The following CALCR variants were observed in gnomAD, a reference collection of about 807,000 sequenced individuals.
CALCR encodes the protein calcitonin receptor.
Under a neutral mutation model 59.5 loss-of-function variants are expected in CALCR, and 47 were observed. That is an observed-to-expected ratio of 0.79 (90% CI 0.63 to 1.01). The LOEUF is 1.01. CALCR is among the 50% of genes least tolerant of loss of function. The probability of loss-of-function intolerance (pLI) is 0.00; values close to 1 mark genes in which losing one functional copy is unlikely to be tolerated. For synonymous variants in CALCR, 213 were observed against 211.3 expected (o/e 1.01, Z -0.07); for missense variants, 566 against 597.1 (o/e 0.95, Z 0.54).
chr7:93,554,769 G>GTATATATATA (rs55879216), intron 2 of CALCR, among the ~76,000 whole-genome samples: 2,337 of 117,152 alleles, frequency 0.02, 307 homozygotes, highest in African/African-American at 0.096. Flanking sequence ...GCCAGGCCAT[G>GTATATATATA]TATATATATA....
chr7:93,518,566 C>A (rs1174524995), intron 2 of CALCR, among the ~76,000 whole-genome samples: 1 of 151,734 alleles, frequency 6.6e-6, no homozygotes, highest in Admixed American at 6.6e-5. Flanking sequence ...TTGGTGGGAG[C>A]ATAGGGATAC....
intron 8 of CALCR, among the ~76,000 whole-genome samples, chr7:93,445,223 C>T (rs996504962): frequency 1.3e-5 from 2 of 152,092 alleles, no homozygotes; most frequent in African/African-American, 4.8e-5. Context: ...TGATTACCTT[C>T]CTAACTGGGA....
At position 93,488,564 on chromosome 7, in the gene CALCR, T is replaced by A. The variant is rs183481966; in HGVS notation, c.-26-1557A>T. Among the ~76,000 whole-genome samples the A allele has an allele frequency of 3.2e-3, 243 of 76,404 alleles. 4 individuals carry two copies. Among genetic ancestry groups the A allele is most frequent in the African/African-American group, 0.011 (228 of 20,416 alleles). 50.1% of individuals were successfully genotyped at this position (76,404 alleles called of 152,430 possible). A position where few individuals can be genotyped will look rare whatever the true frequency, so the allele number is the denominator to read the frequency against. Reference sequence around the variant, plus strand: ...TCAAAACAAAGGGATGGAGGAAAATTTACCAAGCAAATGGAAAGAAAAAAA... The same window carrying A: ...TCAAAACAAAGGGATGGAGGAAAATATACCAAGCAAATGGAAAGAAAAAAA... On this transcript the variant is annotated intron_variant, in intron 2 of 13. Coordinates refer to ENST00000426151, the MANE Select transcript of CALCR (RefSeq NM_001742.4).
At chr7:93,560,073 A>T (rs2116262359) in intron 2 of CALCR, among the ~76,000 whole-genome samples, 1 of 152,248 alleles carries the variant, frequency 6.6e-6, no homozygotes, top group Middle Eastern at 3.4e-3. Context: ...GACCCTAATG[A>T]GTATGTTACA....
Position 93,426,139 on chromosome 7 carries a change from G to A in CALCR, c.*217C>T. 1 of 509,810 alleles carries A rather than the reference G, an allele frequency of 2.0e-6. No homozygotes were observed. Among genetic ancestry groups the A allele is most frequent in the East Asian group, 3.2e-5 (1 of 30,968 alleles). The allele number at this position is 509,810 out of a possible 1,614,324, so 31.6% of individuals were successfully genotyped here. On this transcript the variant is annotated 3_prime_UTR_variant, in exon 14 of 14. Transcript: ENST00000426151. ...ATCTCAGTCCTGGATGAATGATGGA[G>A]TTCACAAGTTGCAGTGGGAGACTCC...
At chr7:93,553,134 A>G (rs1789509525) in intron 2 of CALCR, among the ~76,000 whole-genome samples, 1 of 152,210 alleles carries the variant, frequency 6.6e-6, no homozygotes, top group Admixed American at 6.6e-5. Context: ...TTATTTTAAA[A>G]ATCTGCTATC....
chr7:93,558,491 C>T (rs1430431318), intron 2 of CALCR, among the ~76,000 whole-genome samples: 4 of 151,986 alleles, frequency 2.6e-5, no homozygotes, highest in Non-Finnish European at 5.9e-5. Context: ...AATAGAGATT[C>T]ATTGTTTCTC....
At chr7:93,564,643 G>A (rs1016329714) in intron 2 of CALCR, among the ~76,000 whole-genome samples, 5 of 151,880 alleles carry the variant, frequency 3.3e-5, no homozygotes, top group Admixed American at 2.6e-4. Flanking sequence ...TAGTAGAGAC[G>A]GGGTTTCGCT....
At chr7:93,449,260 A>G (rs1033888048) in intron 8 of CALCR, among the ~76,000 whole-genome samples, 15 of 151,972 alleles carry the variant, frequency 9.9e-5, no homozygotes, top group African/African-American at 3.1e-4. Flanking sequence ...GAAGAGTGTG[A>G]AGTGATGTTT....
At chr7:93,448,608 A>T (rs10271051) in intron 8 of CALCR, among the ~76,000 whole-genome samples, 5,549 of 152,020 alleles carry the variant, frequency 0.037, 313 homozygotes, top group African/African-American at 0.12. Context: ...AATGATTTCT[A>T]AAAAAAGTAA....
intron 9 of CALCR, 147 bp downstream of exon 9, chr7:93,443,457 A>C: frequency 1.4e-6 from 1 of 690,866 alleles, no homozygotes; most frequent in Non-Finnish European, 2.4e-6. Context: ...TCTTTTGGAG[A>C]CTGAACTCCT....
chr7:93,539,643 T>A (rs1457724896), intron 2 of CALCR, among the ~76,000 whole-genome samples: 1 of 152,064 alleles, frequency 6.6e-6, no homozygotes, highest in Non-Finnish European at 1.5e-5. Context: ...CTGATATTTA[T>A]TGTGTGTTCT....
chr7:93,506,699 A>G (rs1417292763), intron 2 of CALCR, among the ~76,000 whole-genome samples: 1 of 150,552 alleles, frequency 6.6e-6, no homozygotes, highest in African/African-American at 2.5e-5. Context: ...AGACCAGCAG[A>G]TTCTCAGCTT....
chr7:93,438,918 T>C (rs960554029), intron 9 of CALCR, among the ~76,000 whole-genome samples: 3 of 152,172 alleles, frequency 2.0e-5, no homozygotes, highest in African/African-American at 7.2e-5. Flanking sequence ...AAAAAAACTT[T>C]TTAATTTATA....
intron 8 of CALCR, 43 bp downstream of exon 8, chr7:93,460,778 A>T: frequency 6.7e-7 from 1 of 1,481,620 alleles, no homozygotes. Flanking sequence ...CAGGTACTAT[A>T]TCCTTTAAAA....
chr7:93,486,894 T>A (rs1207776275), intron 3 of CALCR, 37 bp downstream of exon 3: 1 of 1,210,776 alleles, frequency 8.3e-7, no homozygotes, highest in Admixed American at 1.7e-5. Flanking sequence ...TCAGCATTCT[T>A]CATTAGCATG....
At chr7:93,570,091 A>G (rs947177646) in intron 2 of CALCR, among the ~76,000 whole-genome samples, 1 of 152,120 alleles carries the variant, frequency 6.6e-6, no homozygotes, top group Non-Finnish European at 1.5e-5. Context: ...TTCAGAACTA[A>G]AATTAAGGAG....
At chr7:93,464,913 G>A (rs1000634002) in intron 7 of CALCR, among the ~76,000 whole-genome samples, 2 of 151,930 alleles carry the variant, frequency 1.3e-5, no homozygotes, top group African/African-American at 2.4e-5. Flanking sequence ...ATAGTAAGTA[G>A]TAGAGCAATC....
chr7:93,429,941 T>A (rs13238746), intron 13 of CALCR, among the ~76,000 whole-genome samples: 4 of 127,180 alleles, frequency 3.1e-5, no homozygotes, highest in African/African-American at 1.2e-4. Flanking sequence ...TTTGTTTTTT[T>A]GTTTTTTTTT....
Sources: allele counts gnomAD v4.1 joint callset (sites outside exome capture counted in the v4.1 genomes callset), GRCh38; gene constraint gnomAD v4.1.1; transcripts MANE v1.5; gene names NCBI Gene and HGNC (gene_info 2026-07-23, HGNC 2026-07-21).